Variants in SETD3 observed in about 807,000 individuals in gnomAD.
The protein encoded by SETD3 is actin-histidine N-methyltransferase.
In SETD3, 19 loss-of-function variants were observed where a neutral mutation model predicts 63.0. The observed-to-expected ratio is 0.30, with a 90% CI of 0.21 to 0.44. The LOEUF (loss-of-function observed/expected upper bound fraction) is 0.44. Ranked by LOEUF, SETD3 falls within the 20% of genes least tolerant of loss-of-function variation. SETD3 has a pLI of 1.00. For missense variants in SETD3, 587 were observed against 728.5 expected (o/e 0.81, Z 2.24); for synonymous variants, 286 against 264.1 (o/e 1.08, Z -0.80).
chr14:99,452,330 C>T (rs1284802390), intron 6 of SETD3, among the ~76,000 whole-genome samples: 1 of 152,226 alleles, frequency 6.6e-6, no homozygotes. Flanking sequence ...TGGTCTCAAA[C>T]TCTTGACCTC....
intron 1 of SETD3, among the ~76,000 whole-genome samples, chr14:99,470,087 TACCTTTACACA>T (rs1895616435): frequency 6.6e-6 from 1 of 152,200 alleles, no homozygotes; most frequent in African/African-American, 2.4e-5. Flanking sequence ...AGCTTCATCC[TACCTTTACACA>T]ACACAGCTCC....
intron 6 of SETD3, among the ~76,000 whole-genome samples, chr14:99,417,463 A>G (rs537186357): frequency 2.4e-4 from 37 of 152,382 alleles, no homozygotes; most frequent in Non-Finnish European, 5.0e-4. Context: ...CTTGATATTT[A>G]TAATTGACAG....
rs1891681844 is a variant in SETD3 at position 99,406,367 on chromosome 14, G to A, written c.924+149C>T. ...AGTGAATATGTGTACTACGGGTTCT[G>A]GTCTCAAGATGTGTTCCAGAAAAAC... is the stretch of plus-strand genomic sequence containing the variant. On this transcript the variant is annotated intron_variant, in intron 9 of 12. Coordinates refer to ENST00000331768, the MANE Select transcript of SETD3 (RefSeq NM_032233.3). 6 of 698,038 alleles carry A rather than the reference G, an allele frequency of 8.6e-6. No individual in the cohort carries two copies. In the South Asian group the frequency reaches 1.0e-4, roughly 12 times the overall value. The allele number at this position is 698,038 out of a possible 1,614,324, so 43.2% of individuals were successfully genotyped here.
chr14:99,448,383 T>A (rs1036312444), intron 6 of SETD3, among the ~76,000 whole-genome samples: 3 of 152,140 alleles, frequency 2.0e-5, no homozygotes, highest in African/African-American at 7.2e-5. Context: ...TCACGCAGTG[T>A]CTTCCATCTG....
chr14:99,406,640 T>A, intron 8 of SETD3, 50 bp from the exon 9 acceptor site: 2 of 1,520,484 alleles, frequency 1.3e-6, no homozygotes, highest in East Asian at 2.3e-5. Context: ...CACACGCACA[T>A]CTCACTTAAT....
At chr14:99,483,462 A>T (rs1323240957), upstream of SETD3, among the ~76,000 whole-genome samples, 1 of 152,118 alleles carries the variant, frequency 6.6e-6, no homozygotes, top group Non-Finnish European at 1.5e-5. Context: ...AGGCAGGAGG[A>T]TCACTTGAGT....
At chr14:99,466,151 C>T (rs1566732202) in intron 1 of SETD3, among the ~76,000 whole-genome samples, 1 of 152,090 alleles carries the variant, frequency 6.6e-6, no homozygotes, top group Admixed American at 6.5e-5. Flanking sequence ...AGATAAAACC[C>T]ATGCATACAT....
intron 6 of SETD3, among the ~76,000 whole-genome samples, chr14:99,455,652 A>G (rs925949382): frequency 2.0e-5 from 3 of 152,188 alleles, no homozygotes; most frequent in Non-Finnish European, 2.9e-5. Context: ...CAGGCTTCCA[A>G]TCATTAGGTG....
intron 6 of SETD3, among the ~76,000 whole-genome samples, chr14:99,455,212 G>A (rs1566723612): frequency 6.6e-6 from 1 of 152,176 alleles, no homozygotes; most frequent in African/African-American, 2.4e-5. Context: ...CCGGCCCAGG[G>A]GCCAGGGTTC....
intron 6 of SETD3, among the ~76,000 whole-genome samples, chr14:99,445,376 T>C (rs1013529577): frequency 1.3e-5 from 2 of 152,348 alleles, no homozygotes; most frequent in African/African-American, 2.4e-5. Flanking sequence ...ATCCACTTGA[T>C]ATTAAAATGC....
intron 2 of SETD3, among the ~76,000 whole-genome samples, chr14:99,465,323 T>C (rs1037385794): frequency 6.6e-6 from 1 of 152,150 alleles, no homozygotes; most frequent in African/African-American, 2.4e-5. Context: ...CCTGAGACAG[T>C]TATTATCTAT....
At chr14:99,400,007 C>T in intron 12 of SETD3, 92 bp downstream of exon 12, 1 of 1,201,126 alleles carries the variant, frequency 8.3e-7, no homozygotes, top group South Asian at 1.6e-5. Flanking sequence ...TCCCAAAGTG[C>T]TGGGATTACA....
chr14:99,479,388 C>A (rs761487541), intron 1 of SETD3, among the ~76,000 whole-genome samples: 1 of 152,230 alleles, frequency 6.6e-6, no homozygotes, highest in Non-Finnish European at 1.5e-5. Context: ...TACTGCTGGA[C>A]TTTCACGCAT....
intron 8 of SETD3, among the ~76,000 whole-genome samples, chr14:99,407,775 A>G (rs1308827092): frequency 6.6e-6 from 1 of 151,842 alleles, no homozygotes; most frequent in African/African-American, 2.4e-5. Flanking sequence ...GCTCCAGCCC[A>G]AGTCACGTTA....
chr14:99,450,243 T>C lies in SETD3; in HGVS notation c.675+8036A>G, dbSNP rs568800572. ...AGCTGATGCCCAGAGGTTTTCACTC[T>C]AATTTGGTACACATTCCTGAAGGCC... On this transcript the variant is annotated intron_variant, in intron 6 of 12. Transcript: ENST00000331768. 1.9e-4 allele frequency among the ~76,000 whole-genome samples: 29 copies of C among 152,388 alleles called. No homozygotes were observed. The South Asian group carries it at 5.6e-3, about 29-fold the overall frequency.
chr14:99,410,239 G>A lies in SETD3; in HGVS notation c.849+2712C>T, dbSNP rs754784880. The A allele has an allele frequency of 3.0e-5, 48 of 1,613,412 alleles. No homozygotes were observed. In the Middle Eastern group the frequency reaches 6.3e-3, roughly 210 times the overall value. On this transcript the variant is annotated intron_variant, in intron 8 of 12. Coordinates refer to ENST00000331768, the MANE Select transcript of SETD3 (RefSeq NM_032233.3). ...GTCTGAAGAATAGCAGGGAACCAGA[G>A]GTGAGTCAGACCTGTGTGCACGGAG...
upstream of SETD3, among the ~76,000 whole-genome samples, chr14:99,483,039 T>G (rs1049328332): frequency 6.6e-6 from 1 of 152,244 alleles, no homozygotes; most frequent in African/African-American, 2.4e-5. Flanking sequence ...TATAAAATCG[T>G]TATTCTTAGA....
At chr14:99,485,358 A>G (rs115959501), upstream of SETD3, among the ~76,000 whole-genome samples, 854 of 152,264 alleles carry the variant, frequency 5.6e-3, 9 homozygotes, top group African/African-American at 0.019. Context: ...ATATCTTGGC[A>G]TTATACTTCC....
intron 6 of SETD3, among the ~76,000 whole-genome samples, chr14:99,450,073 T>C (rs1894370636): frequency 6.6e-6 from 1 of 152,234 alleles, no homozygotes; most frequent in South Asian, 2.1e-4. Flanking sequence ...CACTCCTGTA[T>C]ACAACCTCTG....
Sources: allele counts gnomAD v4.1 joint callset (sites outside exome capture counted in the v4.1 genomes callset), GRCh38; gene constraint gnomAD v4.1.1; transcripts MANE v1.5; gene names NCBI Gene and HGNC (gene_info 2026-07-23, HGNC 2026-07-21).